The following PLD5 variants were observed in gnomAD, a reference collection of about 807,000 sequenced individuals.
PLD5 encodes the protein inactive phospholipase D5.
A neutral mutation model predicts 61.1 loss-of-function variants in PLD5; 36 were observed. That is an observed-to-expected ratio of 0.59 (90% confidence interval 0.45 to 0.78). The LOEUF (loss-of-function observed/expected upper bound fraction) is 0.78. Among genes scored for constraint, PLD5 ranks in the 30% least tolerant of loss-of-function variants. The pLI is 0.00. For missense variants in PLD5, 515 were observed against 644.4 expected, an observed-to-expected ratio of 0.80 and a Z score of 2.17; for synonymous variants, 243 against 242.8, an observed-to-expected ratio of 1.00 and a Z score of -0.01.
chr1:242,090,240 G>C, intron 9 of PLD5, 130 bp from the exon 10 acceptor site: 1 of 1,208,280 alleles, frequency 8.3e-7, no homozygotes, highest in Non-Finnish European at 1.1e-6. Context: ...AGGCTGAATT[G>C]TGTTGACAGC....
At chr1:242,137,494 CAAT>C (rs1663828636) in intron 5 of PLD5, among the ~76,000 whole-genome samples, 1 of 152,144 alleles carries the variant, frequency 6.6e-6, no homozygotes, top group Non-Finnish European at 1.5e-5. Context: ...AAAACAGCCA[CAAT>C]AATAACACGT....
At chr1:242,096,848 C>G in intron 9 of PLD5, among the ~76,000 whole-genome samples, 1 of 152,164 alleles carries the variant, frequency 6.6e-6, no homozygotes, top group South Asian at 2.1e-4. Flanking sequence ...CACCCATTAA[C>G]TCATCATTTA....
At chr1:242,506,840 C>T (rs369920091) in intron 1 of PLD5, among the ~76,000 whole-genome samples, 6 of 152,176 alleles carry the variant, frequency 3.9e-5, no homozygotes, top group South Asian at 2.1e-4. Flanking sequence ...AGCTTCCAAG[C>T]GGATGTGCGG....
At chr1:242,526,171 G>A (rs1020943158), upstream of PLD5, among the ~76,000 whole-genome samples, 1 of 152,138 alleles carries the variant, frequency 6.6e-6, no homozygotes, top group Non-Finnish European at 1.5e-5. Flanking sequence ...GGGAGGAGGA[G>A]GCAGGAGGAT....
At chr1:242,133,253 C>T (rs1273709694) in intron 5 of PLD5, among the ~76,000 whole-genome samples, 1 of 152,108 alleles carries the variant, frequency 6.6e-6, no homozygotes, top group Non-Finnish European at 1.5e-5. Flanking sequence ...TTCACTTTAG[C>T]CTCTGACTGG....
At chr1:242,527,872 C>A (rs542330739), upstream of PLD5, among the ~76,000 whole-genome samples, 278 of 152,262 alleles carry the variant, frequency 1.8e-3, 1 homozygote, top group Non-Finnish European at 3.4e-3. Flanking sequence ...CATTAACTTC[C>A]ACAGCACTTT....
intron 1 of PLD5, among the ~76,000 whole-genome samples, chr1:242,481,057 C>T (rs1268957892): frequency 6.6e-6 from 1 of 151,950 alleles, no homozygotes; most frequent in Non-Finnish European, 1.5e-5. Context: ...AAACATATGG[C>T]CAAATAAAGA....
chr1:242,446,130 G>A (rs1345110984), intron 1 of PLD5, among the ~76,000 whole-genome samples: 2 of 151,844 alleles, frequency 1.3e-5, no homozygotes, highest in East Asian at 1.9e-4. Context: ...ATCACACAAT[G>A]AGTGTAACAT....
At chr1:242,449,140 C>A (rs1042924142) in intron 1 of PLD5, among the ~76,000 whole-genome samples, 2 of 152,306 alleles carry the variant, frequency 1.3e-5, no homozygotes, top group East Asian at 3.9e-4. Flanking sequence ...AATTACAAAG[C>A]ACCATTACCT....
intron 9 of PLD5, among the ~76,000 whole-genome samples, chr1:242,099,983 A>G (rs1660560819): frequency 6.6e-6 from 1 of 152,194 alleles, no homozygotes; most frequent in South Asian, 2.1e-4. Context: ...AATAGGTTTG[A>G]TGTATTAATA....
At chr1:242,114,164 A>G in intron 6 of PLD5, 138 bp from the exon 7 acceptor site, 1 of 917,404 alleles carries the variant, frequency 1.1e-6, no homozygotes, top group East Asian at 2.7e-5. Context: ...AAATTAGACA[A>G]AGATATTTTC....
intron 9 of PLD5, among the ~76,000 whole-genome samples, chr1:242,097,572 C>G (rs1313405548): frequency 2.0e-5 from 3 of 152,130 alleles, no homozygotes; most frequent in Non-Finnish European, 4.4e-5. Flanking sequence ...CTGTTCATAT[C>G]CTTTGCCCAC....
At chr1:242,435,549 A>T (rs1665952608) in intron 1 of PLD5, among the ~76,000 whole-genome samples, 1 of 152,218 alleles carries the variant, frequency 6.6e-6, no homozygotes, top group Admixed American at 6.5e-5. Context: ...GGCCTAAGTT[A>T]TAGCACTGTT....
intron 5 of PLD5, among the ~76,000 whole-genome samples, chr1:242,217,203 A>G (rs1670271622): frequency 6.6e-6 from 1 of 152,238 alleles, no homozygotes; most frequent in Admixed American, 6.5e-5. Flanking sequence ...GGGATCAAGG[A>G]GTAATTTCTA....
Position 242,501,153 on chromosome 1 carries a change from C to G in PLD5, c.189+22935G>C, listed in dbSNP as rs1040698889. 2.0e-5 allele frequency among the ~76,000 whole-genome samples: 3 copies of G among 152,160 alleles called. No individual in the cohort carries two copies. The South Asian group carries it at 6.2e-4, about 32-fold the overall frequency. On this transcript the variant is annotated intron_variant, in intron 1 of 9. Transcript: ENST00000536534. Reference sequence around the variant, plus strand: ...GACAGTTGTTAAAGACTCACTAGCACTGAACTGAGCTTTCCCATTCATTAA... The same window carrying G: ...GACAGTTGTTAAAGACTCACTAGCAGTGAACTGAGCTTTCCCATTCATTAA...
intron 1 of PLD5, among the ~76,000 whole-genome samples, chr1:242,506,301 G>A (rs1412766957): frequency 2.0e-5 from 3 of 152,126 alleles, no homozygotes; most frequent in Non-Finnish European, 4.4e-5. Flanking sequence ...TCTCTAGTTG[G>A]AGGCGCCTGG....
Position 242,089,413 on chromosome 1 carries a change from A to T in PLD5, c.*441T>A. ...GTGTAGGTCTTGGAGACGATTTACA[A>T]GAATAAACACTTGGTTTTATCAGTC... is the stretch of plus-strand genomic sequence containing the variant. On this transcript the variant is annotated 3_prime_UTR_variant, in exon 10 of 10. Transcript: ENST00000536534. 6 of 398,240 alleles carry T rather than the reference A, an allele frequency of 1.5e-5. No individual in the cohort carries two copies. The highest frequency in any genetic ancestry group is 1.3e-4 in the Admixed American group (3 of 22,852). 24.7% of individuals were successfully genotyped at this position (398,240 alleles called of 1,614,324 possible).
intron 1 of PLD5, among the ~76,000 whole-genome samples, chr1:242,419,226 C>T (rs540865417): frequency 1.3e-5 from 2 of 152,230 alleles, no homozygotes; most frequent in East Asian, 3.9e-4. Flanking sequence ...TTACAGCCTG[C>T]GTGACGTTTC....
In PLD5 at chr1:242,308,873, C is replaced by A. The variant is rs542021967; in HGVS notation, c.327-20343G>T. Among the ~76,000 whole-genome samples, 3 of 152,256 alleles carry A rather than the reference C, an allele frequency of 2.0e-5. No homozygotes were observed. The East Asian group carries it at 5.8e-4, about 29-fold the overall frequency. On this transcript the variant is annotated intron_variant, in intron 2 of 9. Transcript: ENST00000536534. ...CGCTTGCTTAACCCTGACCACAACT[C>A]TCAAGCTTGAACATGCCATGTATCC...
Sources: gnomAD v4.1 joint callset for allele counts (sites outside exome capture counted in the v4.1 genomes callset) on GRCh38, gnomAD v4.1.1 for gene constraint, MANE v1.5 for transcripts, NCBI Gene and HGNC (gene_info 2026-07-23, HGNC 2026-07-21) for gene names.